The following HPS5 variants were observed in gnomAD, a reference collection of about 807,000 sequenced individuals.
HPS5 encodes BLOC-2 complex member HPS5.
A neutral mutation model predicts 128.0 loss-of-function variants in HPS5; 83 were observed. The ratio of observed to expected loss-of-function variants is 0.65; its 90% CI spans 0.54 to 0.78. The LOEUF (loss-of-function observed/expected upper bound fraction) is 0.78. HPS5 is among the 30% of genes least tolerant of loss of function. HPS5 has a pLI of 0.00. For synonymous variants in HPS5, 475 were observed against 470.2 expected (o/e 1.01, Z -0.13); for missense variants, 1,281 against 1,326.2 (o/e 0.97, Z 0.53).
intron 2 of HPS5, among the ~76,000 whole-genome samples, chr11:18,317,074 G>A (rs1006308884): frequency 2.0e-5 from 3 of 151,928 alleles, no homozygotes; most frequent in African/African-American, 7.2e-5. Flanking sequence ...GGCACATGTG[G>A]TCCCAGCTAC....
At chr11:18,295,632 C>T (rs1320665620) in intron 13 of HPS5, among the ~76,000 whole-genome samples, 2 of 152,264 alleles carry the variant, frequency 1.3e-5, no homozygotes, top group South Asian at 4.1e-4. Flanking sequence ...AAATGTCAAC[C>T]CTGGTCCCAT....
At chr11:18,303,073 T>G (rs1240894721) in intron 8 of HPS5, among the ~76,000 whole-genome samples, 3 of 152,182 alleles carry the variant, frequency 2.0e-5, no homozygotes, top group Non-Finnish European at 4.4e-5. Flanking sequence ...GAAAGGAATG[T>G]GCCTGAAAGG....
intron 6 of HPS5, among the ~76,000 whole-genome samples, chr11:18,307,360 TA>T (rs1389888333): frequency 6.6e-6 from 1 of 152,240 alleles, no homozygotes; most frequent in Non-Finnish European, 1.5e-5. Context: ...ACATTTGCTT[TA>T]CTTTAAGAAC....
intron 15 of HPS5, among the ~76,000 whole-genome samples, chr11:18,292,657 C>T (rs1216563260): frequency 6.6e-6 from 1 of 152,168 alleles, no homozygotes; most frequent in African/African-American, 2.4e-5. Context: ...AAGTCAAATA[C>T]CAAAAAATTA....
chr11:18,285,136 G>A (rs1330636195), intron 20 of HPS5, among the ~76,000 whole-genome samples: 5 of 146,148 alleles, frequency 3.4e-5, no homozygotes, highest in Admixed American at 3.4e-4. Flanking sequence ...ATTAGCTAAG[G>A]CTATTTAAAA....
rs770657462 is a variant in HPS5 at position 18,296,995 on chromosome 11, A to G, written c.1324-11T>C. 2 of 1,549,310 alleles carry G rather than the reference A, an allele frequency of 1.3e-6. No homozygotes were observed. Among genetic ancestry groups the G allele is most frequent in the East Asian group, 4.5e-5 (2 of 44,482 alleles). On this transcript the variant is annotated splice_polypyrimidine_tract_variant and intron_variant, in intron 11 of 22. Coordinates refer to ENST00000349215, the MANE Select transcript of HPS5 (RefSeq NM_181507.2). Reference sequence around the variant, plus strand: ...GATGCTGAAACTTTCCTAAAAATTAAAAGAATTCAAAAAAAAAAAAAGGTA... The same window carrying G: ...GATGCTGAAACTTTCCTAAAAATTAGAAGAATTCAAAAAAAAAAAAAGGTA...
intron 1 of HPS5, among the ~76,000 whole-genome samples, chr11:18,319,255 CCACACACA>C (rs10531816): frequency 4.7e-4 from 65 of 139,208 alleles, no homozygotes; most frequent in South Asian, 9.3e-4. Context: ...AAGACAAATA[CCACACACA>C]CACACACACA....
chr11:18,297,123 G>A, intron 11 of HPS5, 139 bp from the exon 12 acceptor site: 1 of 686,228 alleles, frequency 1.5e-6, no homozygotes, highest in South Asian at 1.8e-5. Context: ...AAACTGATGA[G>A]CAAGGCTTAG....
At position 18,309,041 on chromosome 11, in the gene HPS5, G is replaced by C. The variant is rs560693223; in HGVS notation, c.516C>G (p.Ile172Met). Residue 172 changes from isoleucine (I) to methionine (M), a missense_variant, in exon 6 of 23, where the codon ATC (isoleucine) becomes ATG (methionine). Ile to Met is a conservative substitution (Grantham distance 10). Transcript: ENST00000349215. ...GTACAACACAGGAGTCAACAGTTGT[G>C]ATTGTCTGAACAGGAAACATCACAA... ...AAFVMFPVQT[I>M]TTVDSCVVQL... 5.0e-6 allele frequency: 8 copies of C among 1,613,828 alleles called. No homozygotes were observed. The African/African-American group carries it at 5.3e-5, about 11-fold the overall frequency.
rs1861230135 is a variant in HPS5, at chr11:18,297,639, A to T, written c.1243T>A (p.Ser415Thr). 1 of 1,613,854 alleles carries T rather than the reference A, an allele frequency of 6.2e-7. No homozygotes were observed. Among genetic ancestry groups the T allele is most frequent in the Non-Finnish European group, 8.5e-7 (1 of 1,179,816 alleles). ...TTTAAGATCAATTCTTCCAGTTGAG[A>T]AATTAGATCATTGTAGGTGCCATGG... The part of the protein sequence containing the change: ...LDHGTYNDLI[S>T]QLEELILKFE... Residue 415 changes from serine (S) to threonine (T), a missense_variant, in exon 11 of 23, where the codon TCT (serine) becomes ACT (threonine). Transcript: ENST00000349215.
In HPS5 at chr11:18,287,633, G is replaced by A. The variant is rs772542759; in HGVS notation, c.2619C>T (p.Ser873=). 6.2e-6 allele frequency: 10 copies of A among 1,614,098 alleles called. No individual in the cohort carries two copies. The highest frequency in any genetic ancestry group is 1.7e-5 in the Admixed American group (1 of 60,016). Reference sequence around the variant, plus strand: ...GTTGTATGATATCCGATGGCAAAATGGATGGAAAGAACTTGATTAAGGATC... The same window carrying A: ...GTTGTATGATATCCGATGGCAAAATAGATGGAAAGAACTTGATTAAGGATC... ...ALRSLIKFFP[S]ILPSDIIQLC... The change falls in exon 18 of 23, where the codon TCC becomes TCT. Residue 873 remains serine (S), a synonymous_variant. Transcript: ENST00000349215.
intron 12 of HPS5, chr11:18,296,336 A>G: frequency 1.7e-6 from 1 of 577,966 alleles, no homozygotes; most frequent in Middle Eastern, 4.7e-4. Flanking sequence ...TCATTTGCCT[A>G]CTAACCCTGA....
intron 8 of HPS5, among the ~76,000 whole-genome samples, chr11:18,303,730 G>A (rs931446759): frequency 6.6e-6 from 1 of 152,070 alleles, no homozygotes. Flanking sequence ...GCGTGCGCCT[G>A]TGAGTCCCAG....
At chr11:18,291,388 G>A (rs377366303) in intron 16 of HPS5, 54 bp downstream of exon 16, 1 of 1,152,238 alleles carries the variant, frequency 8.7e-7, no homozygotes, top group East Asian at 2.5e-5. Context: ...ATTCAAAACT[G>A]CTAATGTTTT....
Position 18,283,917 on chromosome 11 carries a change from A to C in HPS5, c.2952-16T>G. The C allele has an allele frequency of 6.4e-7, 1 of 1,565,024 alleles. No individual in the cohort carries two copies. Among genetic ancestry groups the C allele is most frequent in the Non-Finnish European group, 8.8e-7 (1 of 1,136,534 alleles). Reference sequence around the variant, plus strand: ...AGGCCAGAAACTTTAAAGAGACCGAAGTTGAAGAAAGGAATAAAAGGCCAT... The same window carrying C: ...AGGCCAGAAACTTTAAAGAGACCGACGTTGAAGAAAGGAATAAAAGGCCAT... On this transcript the variant is annotated splice_polypyrimidine_tract_variant and intron_variant, in intron 20 of 22. Coordinates refer to ENST00000349215, the MANE Select transcript of HPS5 (RefSeq NM_181507.2).
intron 2 of HPS5, among the ~76,000 whole-genome samples, 191 bp from the exon 3 acceptor site, chr11:18,312,215 G>GT (rs764993834): frequency 2.0e-5 from 3 of 152,174 alleles, no homozygotes; most frequent in Non-Finnish European, 4.4e-5. Flanking sequence ...AGAACATTTT[G>GT]TTTTTAAACT....
In HPS5 at chr11:18,311,433, C is replaced by G. The variant is rs1028434697; in HGVS notation, c.238G>C (p.Val80Leu). 6.2e-7 allele frequency: 1 copy of G among 1,608,104 alleles called. No individual in the cohort carries two copies. Reference sequence around the variant, plus strand: ...TCATCATCATGTAAACAACAGGCGACTTGAGAAATTGCACCTTCCTAGAGC... The same window carrying G: ...TCATCATCATGTAAACAACAGGCGAGTTGAGAAATTGCACCTTCCTAGAGC... ...LSHREGAISQVACCLHDDDYV... is the reference protein window; with the variant it reads ...LSHREGAISQLACCLHDDDYV... The change falls in exon 4 of 23, where the codon GTC becomes CTC. Residue 80 changes from valine to leucine, a missense_variant. Physicochemically the swap from Val to Leu is conservative, Grantham distance 32. Coordinates refer to ENST00000349215, the MANE Select transcript of HPS5 (RefSeq NM_181507.2).
chr11:18,296,651 T>C (rs1861103893), intron 12 of HPS5, 147 bp downstream of exon 12: 3 of 820,486 alleles, frequency 3.7e-6, no homozygotes, highest in Admixed American at 3.4e-5. Context: ...AGGGGGCAGA[T>C]CTGTAGATCT....
intron 16 of HPS5, among the ~76,000 whole-genome samples, chr11:18,290,146 C>A (rs1174729430): frequency 6.6e-6 from 1 of 152,164 alleles, no homozygotes; most frequent in African/African-American, 2.4e-5. Flanking sequence ...GACATAGCAA[C>A]CCAAACATGA....
Sources: allele counts gnomAD v4.1 joint callset (sites outside exome capture counted in the v4.1 genomes callset), GRCh38; gene constraint gnomAD v4.1.1; transcripts MANE v1.5; gene names NCBI Gene and HGNC (gene_info 2026-07-23, HGNC 2026-07-21).